APBB1IP: variants seen among roughly 807,000 people sequenced by gnomAD.
APBB1IP encodes amyloid beta precursor protein binding family B member 1 interacting protein, also known as amyloid beta A4 precursor protein-binding family B member 1-interacting protein.
A neutral mutation model predicts 64.9 loss-of-function variants in APBB1IP; 27 were observed. The observed-to-expected ratio is 0.42, with a 90% CI of 0.31 to 0.57. The LOEUF (loss-of-function observed/expected upper bound fraction) is 0.57, where lower values mean the gene tolerates loss of function less well. Ranked by LOEUF, APBB1IP falls within the 20% of genes least tolerant of loss-of-function variation. The pLI, the probability that APBB1IP is intolerant of heterozygous loss-of-function variation, is 0.20. For missense variants in APBB1IP, 812 were observed against 845.5 expected, an observed-to-expected ratio of 0.96 and a Z score of 0.49; for synonymous variants, 392 against 331.0, an observed-to-expected ratio of 1.18 and a Z score of -2.00.
chr10:26,468,435 G>C (rs537518248), intron 2 of APBB1IP, among the ~76,000 whole-genome samples: 187 of 152,258 alleles, frequency 1.2e-3, no homozygotes, highest in African/African-American at 4.3e-3. Flanking sequence ...TTGAGCTAAT[G>C]AGTGAATGAA....
intron 5 of APBB1IP, among the ~76,000 whole-genome samples, chr10:26,502,602 A>G (rs1836119341): frequency 6.6e-6 from 1 of 151,656 alleles, no homozygotes. Flanking sequence ...AGATCACACT[A>G]CTGCACTCCA....
chr10:26,534,453 C>T (rs1006559745), intron 9 of APBB1IP, among the ~76,000 whole-genome samples: 1 of 152,044 alleles, frequency 6.6e-6, no homozygotes, highest in Non-Finnish European at 1.5e-5. Context: ...TAGTAAATTT[C>T]CTGAGTTAGT....
chr10:26,459,385 G>A (rs1835564367), intron 2 of APBB1IP, among the ~76,000 whole-genome samples: 1 of 152,018 alleles, frequency 6.6e-6, no homozygotes, highest in Non-Finnish European at 1.5e-5. Context: ...TGTGAATAGT[G>A]CCGCAATAAA....
chr10:26,548,977 T>C (rs1409485923), intron 11 of APBB1IP, among the ~76,000 whole-genome samples: 1 of 152,152 alleles, frequency 6.6e-6, no homozygotes, highest in Non-Finnish European at 1.5e-5. Context: ...TGGCTGTGGG[T>C]TTAACATATA....
chr10:26,462,933 G>C (rs1351394063), intron 2 of APBB1IP, among the ~76,000 whole-genome samples: 1 of 152,128 alleles, frequency 6.6e-6, no homozygotes, highest in African/African-American at 2.4e-5. Flanking sequence ...CATAGAAGGT[G>C]GTATGGATTT....
intron 8 of APBB1IP, among the ~76,000 whole-genome samples, chr10:26,531,858 A>T (rs921364497): frequency 6.6e-6 from 1 of 152,046 alleles, no homozygotes; most frequent in Admixed American, 6.5e-5. Flanking sequence ...AGCAGGGGAG[A>T]TTGCTTGAGC....
rs557276937 is a variant in APBB1IP at position 26,513,909 on chromosome 10, A to G, written c.813+249A>G. 3.9e-5 allele frequency among the ~76,000 whole-genome samples: 6 copies of G among 152,124 alleles called. No individual in the cohort carries two copies. In the East Asian group the frequency reaches 1.2e-3, roughly 29 times the overall value. On this transcript the variant is annotated intron_variant, in intron 8 of 14. Transcript: ENST00000376236. ...CACCAGGCCCAGCTAACTGTTTTGTATTTTTTAGTAGAGACAGGGTTTCAC... is the reference window on the plus strand; with the variant it reads ...CACCAGGCCCAGCTAACTGTTTTGTGTTTTTTAGTAGAGACAGGGTTTCAC...
chr10:26,448,978 G>T (rs1835431556), intron 2 of APBB1IP, among the ~76,000 whole-genome samples: 1 of 152,100 alleles, frequency 6.6e-6, no homozygotes, highest in African/African-American at 2.4e-5. Context: ...CACTCTCTTT[G>T]TGGCGGTTCT....
chr10:26,557,733 T>C (rs905432746), intron 11 of APBB1IP, among the ~76,000 whole-genome samples: 4 of 152,218 alleles, frequency 2.6e-5, no homozygotes, highest in Non-Finnish European at 4.4e-5. Context: ...AAAGGTCTTG[T>C]TATCCTTTCT....
intron 2 of APBB1IP, among the ~76,000 whole-genome samples, chr10:26,446,839 G>A (rs917888940): frequency 1.4e-5 from 2 of 144,904 alleles, no homozygotes; most frequent in Non-Finnish European, 3.1e-5. Context: ...CAGCTTGGGT[G>A]ACAGAGCAAA....
chr10:26,551,117 T>C (rs999954051), intron 11 of APBB1IP, among the ~76,000 whole-genome samples: 3 of 152,160 alleles, frequency 2.0e-5, no homozygotes, highest in African/African-American at 7.2e-5. Flanking sequence ...AAACAGCCCA[T>C]CTGGTGTATC....
chr10:26,488,551 A>G (rs1327195683), intron 2 of APBB1IP, among the ~76,000 whole-genome samples: 3 of 152,136 alleles, frequency 2.0e-5, no homozygotes, highest in East Asian at 1.9e-4. Flanking sequence ...AATTTAAAGA[A>G]AGGAGGATAT....
At position 26,500,987 on chromosome 10, in the gene APBB1IP, T is replaced by G. The variant is rs371407206; in HGVS notation, c.329T>G (p.Leu110Arg). The stretch of plus-strand genomic sequence containing the variant: ...TCAATTTTCAGTGGTGCAGCCTCTC[T>G]TGGTTATGGAACAAATGTTGCTGCC... ...QASIFSGAAS[L>R]GYGTNVAATG... The change falls in exon 5 of 15, where the codon CTT becomes CGT. Residue 110 changes from leucine to arginine, a missense_variant. Leu to Arg is a moderately radical substitution (Grantham distance 102). This residue lies in a region of APBB1IP where 394 missense variants were observed against 413.1 expected (regional missense o/e 0.95). Transcript: ENST00000376236. 1.2e-6 allele frequency: 2 copies of G among 1,614,214 alleles called. No homozygotes were observed. The highest frequency in any genetic ancestry group is 2.7e-5 in the African/African-American group (2 of 75,056).
intron 2 of APBB1IP, among the ~76,000 whole-genome samples, chr10:26,443,433 G>A (rs7900211): frequency 0.39 from 56,801 of 146,710 alleles, 11,101 homozygotes; most frequent in South Asian, 0.49. Context: ...AGTTTCAAGA[G>A]CGAAACTCCA....
chr10:26,446,656 G>A (rs1016254828), intron 2 of APBB1IP, among the ~76,000 whole-genome samples: 1 of 152,148 alleles, frequency 6.6e-6, no homozygotes, highest in South Asian at 2.1e-4. Flanking sequence ...TTCACCACAC[G>A]TCTATTGATG....
chr10:26,560,938 C>T lies in APBB1IP; in HGVS notation c.1369+94C>T, dbSNP rs141167054. On this transcript the variant is annotated intron_variant, in intron 13 of 14. Coordinates refer to ENST00000376236, the MANE Select transcript of APBB1IP (RefSeq NM_019043.4). ...ACATCTATACAAACAGGACTTTGTACACAGCATTCAGAATATGTTTCTCAC... is the reference window on the plus strand; with the variant it reads ...ACATCTATACAAACAGGACTTTGTATACAGCATTCAGAATATGTTTCTCAC... 7.1e-4 allele frequency: 615 copies of T among 861,630 alleles called. 3 individuals are homozygous for T. The East Asian group carries it at 0.016, about 22-fold the overall frequency. The allele number at this position is 861,630 out of a possible 1,614,324, so 53.4% of individuals were successfully genotyped here.
Position 26,567,376 on chromosome 10 carries a change from C to T in APBB1IP, c.1889C>T (p.Pro630Leu). ...PPAVAKRPPV[P>L]PKRQENPGHP... ...GCGGTGGCCAAGAGGCCTCCTGTGC[C>T]CCCCAAGAGGCAAGAGAACCCAGGG... The change falls in exon 15 of 15, where the codon CCC (proline) becomes CTC (leucine). Residue 630 changes from proline to leucine, a missense_variant. Pro to Leu is a moderately conservative substitution (Grantham distance 98, BLOSUM62 -3). Transcript: ENST00000376236. The T allele has an allele frequency of 6.4e-7, 1 of 1,573,430 alleles. No individual in the cohort carries two copies. The highest frequency in any genetic ancestry group is 8.7e-7 in the Non-Finnish European group (1 of 1,155,888).
chr10:26,506,895 G>A (rs1006597710), intron 6 of APBB1IP, among the ~76,000 whole-genome samples: 1 of 152,230 alleles, frequency 6.6e-6, no homozygotes, highest in Non-Finnish European at 1.5e-5. Flanking sequence ...AGCTGGAACT[G>A]GTGCTGAGGA....
At chr10:26,528,376 G>A (rs1233442875) in intron 8 of APBB1IP, among the ~76,000 whole-genome samples, 1 of 152,022 alleles carries the variant, frequency 6.6e-6, no homozygotes, top group African/African-American at 2.4e-5. Context: ...TCTCCTCCCT[G>A]GAAATCTATT....
Sources: gnomAD v4.1 joint callset for allele counts (sites outside exome capture counted in the v4.1 genomes callset) on GRCh38, gnomAD v4.1.1 for gene constraint, gnomAD v4.1.1 regional missense constraint, MANE v1.5 for transcripts, NCBI Gene and HGNC (gene_info 2026-07-23, HGNC 2026-07-21) for gene names.